The following NLK variants were observed in gnomAD, a reference collection of about 807,000 sequenced individuals.
The protein encoded by NLK is serine/threonine-protein kinase NLK.
Under a neutral mutation model 59.0 loss-of-function variants are expected in NLK, and 11 were observed. The ratio of observed to expected loss-of-function variants is 0.19; its 90% CI spans 0.12 to 0.31. NLK has a LOEUF of 0.31. NLK is among the 10% of genes least tolerant of loss of function. The pLI is 1.00. For missense variants in NLK, 410 were observed against 661.1 expected (o/e 0.62, Z 4.16); for synonymous variants, 235 against 235.9 (o/e 1.00, Z 0.03).
intron 1 of NLK, among the ~76,000 whole-genome samples, chr17:28,084,139 C>G (rs1263447729): frequency 6.6e-6 from 1 of 152,182 alleles, no homozygotes; most frequent in Non-Finnish European, 1.5e-5. Context: ...CTCCTAAATT[C>G]TGCATTTAAT....
chr17:28,068,002 A>G (rs771270274), intron 1 of NLK, among the ~76,000 whole-genome samples: 6 of 151,856 alleles, frequency 4.0e-5, no homozygotes, highest in Non-Finnish European at 7.4e-5. Flanking sequence ...TTAGCAGGGC[A>G]TGGTGGTGCA....
intron 3 of NLK, among the ~76,000 whole-genome samples, chr17:28,140,619 T>C (rs192068114): frequency 9.2e-5 from 14 of 152,270 alleles, no homozygotes; most frequent in African/African-American, 3.4e-4. Flanking sequence ...CAGCAGGTAA[T>C]ACAAAATATG....
intron 8 of NLK, among the ~76,000 whole-genome samples, chr17:28,187,036 A>G (rs537251310): frequency 6.6e-6 from 1 of 152,350 alleles, no homozygotes; most frequent in Non-Finnish European, 1.5e-5. Context: ...GTTGATCAAT[A>G]TGTTAAAAAA....
intron 3 of NLK, among the ~76,000 whole-genome samples, chr17:28,156,235 A>G (rs1907710535): frequency 6.6e-6 from 1 of 152,130 alleles, no homozygotes; most frequent in Non-Finnish European, 1.5e-5. Flanking sequence ...TCATTTTGCC[A>G]ATCTCATTTC....
chr17:28,146,382 TTGATGATGATGA>T (rs10633971), intron 3 of NLK, among the ~76,000 whole-genome samples: 10 of 150,480 alleles, frequency 6.6e-5, no homozygotes, highest in Non-Finnish European at 7.4e-5. Flanking sequence ...TATAACGATG[TTGATGATGATGA>T]TGATGATGAT....
At chr17:28,137,495 A>G (rs1324170004) in intron 3 of NLK, among the ~76,000 whole-genome samples, 1 of 152,148 alleles carries the variant, frequency 6.6e-6, no homozygotes, top group East Asian at 1.9e-4. Context: ...TCACATATTC[A>G]AGTTTTAATA....
rs1184777622 is a variant in NLK, at chr17:28,099,626, C to T, written c.459-22977C>T. ...TTGCTCTGTCGCCCAGGCCGGACTGCGGACTGCAGTGGCGCAATCTCGGCT... is the reference window on the plus strand; with the variant it reads ...TTGCTCTGTCGCCCAGGCCGGACTGTGGACTGCAGTGGCGCAATCTCGGCT... On this transcript the variant is annotated intron_variant, in intron 1 of 10. Coordinates refer to ENST00000407008, the MANE Select transcript of NLK (RefSeq NM_016231.5). Among the ~76,000 whole-genome samples the T allele has an allele frequency of 9.3e-5, 13 of 139,994 alleles. No homozygotes were observed. In the East Asian group the frequency reaches 2.5e-3, roughly 27 times the overall value. The allele number at this position is 139,994 out of a possible 152,430, so 91.8% of individuals were successfully genotyped here.
At chr17:28,183,413 G>A (rs1238168898) in intron 7 of NLK, among the ~76,000 whole-genome samples, 1 of 152,084 alleles carries the variant, frequency 6.6e-6, no homozygotes, top group Non-Finnish European at 1.5e-5. Context: ...ACTACAGCCT[G>A]AACCTCCCAG....
chr17:28,126,769 A>T (rs1298389054), intron 2 of NLK, among the ~76,000 whole-genome samples: 2 of 152,156 alleles, frequency 1.3e-5, no homozygotes, highest in Non-Finnish European at 2.9e-5. Flanking sequence ...GGAAACAGAA[A>T]TGGGTTTAGC....
chr17:28,187,896 T>G (rs1909178906), intron 8 of NLK, among the ~76,000 whole-genome samples: 3 of 152,132 alleles, frequency 2.0e-5, no homozygotes, highest in African/African-American at 7.2e-5. Flanking sequence ...AACTACATAG[T>G]CATTTAAAAA....
intron 1 of NLK, among the ~76,000 whole-genome samples, chr17:28,099,845 T>G (rs1388455173): frequency 1.3e-5 from 2 of 152,156 alleles, no homozygotes; most frequent in Non-Finnish European, 2.9e-5. Context: ...CCCAAAGTGC[T>G]GGGATTACAG....
At chr17:28,121,459 T>C (rs1906047249) in intron 1 of NLK, among the ~76,000 whole-genome samples, 1 of 149,672 alleles carries the variant, frequency 6.7e-6, no homozygotes, top group African/African-American at 2.4e-5. Flanking sequence ...TGGCCGTGTA[T>C]ACTCAATTTA....
At chr17:28,116,198 G>T (rs139801605) in intron 1 of NLK, 42 of 157,128 alleles carry the variant, frequency 2.7e-4, no homozygotes, top group Non-Finnish European at 5.0e-4. Context: ...TTCTATCATT[G>T]GGTGGATGCC....
chr17:28,178,504 A>G (rs1474968969), intron 7 of NLK, among the ~76,000 whole-genome samples: 1 of 152,236 alleles, frequency 6.6e-6, no homozygotes, highest in Non-Finnish European at 1.5e-5. Flanking sequence ...ATTAAAGAAG[A>G]TAGTTCTTCA....
intron 1 of NLK, among the ~76,000 whole-genome samples, chr17:28,061,209 C>T (rs918718730): frequency 1.3e-5 from 2 of 152,064 alleles, no homozygotes; most frequent in East Asian, 1.9e-4. Flanking sequence ...GGTTGATGTA[C>T]GAGTTTATCC....
At chr17:28,096,563 G>A (rs1771039497) in intron 1 of NLK, among the ~76,000 whole-genome samples, 1 of 152,170 alleles carries the variant, frequency 6.6e-6, no homozygotes, top group South Asian at 2.1e-4. Context: ...GGTTGGAGAA[G>A]ATTATGGGAA....
At chr17:28,179,726 T>C (rs1229970955) in intron 7 of NLK, among the ~76,000 whole-genome samples, 1 of 151,314 alleles carries the variant, frequency 6.6e-6, no homozygotes, top group Non-Finnish European at 1.5e-5. Flanking sequence ...AGAGTGAGAC[T>C]CAAACAAAGA....
At chr17:28,182,360 T>C (rs1297134320) in intron 7 of NLK, among the ~76,000 whole-genome samples, 2 of 152,212 alleles carry the variant, frequency 1.3e-5, no homozygotes, top group Non-Finnish European at 2.9e-5. Context: ...ATAGTTGTCC[T>C]AGCAGGATTC....
chr17:28,159,436 G>A (rs1329530180), intron 3 of NLK, among the ~76,000 whole-genome samples: 1 of 131,372 alleles, frequency 7.6e-6, no homozygotes, highest in Non-Finnish European at 1.7e-5. Flanking sequence ...GGTGGTAAGT[G>A]TGTATATGGG....
Sources: gnomAD v4.1 joint callset for allele counts (sites outside exome capture counted in the v4.1 genomes callset) on GRCh38, gnomAD v4.1.1 for gene constraint, MANE v1.5 for transcripts, NCBI Gene and HGNC (gene_info 2026-07-23, HGNC 2026-07-21) for gene names.